The following SKIC3 variants were observed in gnomAD, a reference collection of about 807,000 sequenced individuals.
The protein encoded by SKIC3 is superkiller complex protein 3.
chr5:95,532,015 A>C, the SKIC3 span, among the ~76,000 whole-genome samples: 1 of 151,678 alleles, frequency 6.6e-6, no homozygotes, highest in Admixed American at 6.6e-5. Flanking sequence ...CACCATCCTA[A>C]AAAAAAATAG....
At chr5:95,521,929 T>G in the SKIC3 span, 2 of 1,202,464 alleles carry the variant, frequency 1.7e-6, no homozygotes, top group African/African-American at 3.1e-5. Context: ...GAGGTTCATA[T>G]GGATGCTTGC....
chr5:95,512,757 T>C, the SKIC3 span: 3 of 913,222 alleles, frequency 3.3e-6, no homozygotes, highest in Non-Finnish European at 5.0e-6. Context: ...AAAGTACCTT[T>C]AAATGAAGGG....
chr5:95,467,945 T>C, the SKIC3 span: 1 of 1,613,648 alleles, frequency 6.2e-7, no homozygotes, highest in African/African-American at 1.3e-5. Context: ...AGATTTGGGA[T>C]ACCCAGGCTG....
At chr5:95,552,877 C>T in the SKIC3 span, among the ~76,000 whole-genome samples, 6 of 151,618 alleles carry the variant, frequency 4.0e-5, no homozygotes, top group South Asian at 2.1e-4. Flanking sequence ...TAAATGGTGG[C>T]GAGGGAGTTG....
the SKIC3 span, chr5:95,516,674 C>T: frequency 6.2e-7 from 1 of 1,613,344 alleles, no homozygotes; most frequent in Non-Finnish European, 8.5e-7. Context: ...ATTCTCACCA[C>T]TGTAACATGC....
At chr5:95,485,641 G>A in the SKIC3 span, among the ~76,000 whole-genome samples, 8 of 152,158 alleles carry the variant, frequency 5.3e-5, no homozygotes, top group Non-Finnish European at 1.2e-4. Flanking sequence ...GATGTCAGAA[G>A]TGTTACTATC....
the SKIC3 span, among the ~76,000 whole-genome samples, chr5:95,534,916 C>T: frequency 1.3e-5 from 2 of 152,226 alleles, no homozygotes; most frequent in African/African-American, 4.8e-5. Context: ...GCCCCATTAA[C>T]ATCTCCTCTC....
At chr5:95,479,734 G>A in the SKIC3 span, among the ~76,000 whole-genome samples, 1 of 149,328 alleles carries the variant, frequency 6.7e-6, no homozygotes, top group Non-Finnish European at 1.5e-5. Context: ...TACTATTTGC[G>A]GTTTCAGGCA....
At chr5:95,532,342 C>T in the SKIC3 span, among the ~76,000 whole-genome samples, 1 of 151,990 alleles carries the variant, frequency 6.6e-6, no homozygotes, top group South Asian at 2.1e-4. Flanking sequence ...AGCCTGGGAG[C>T]ATAACAATAA....
chr5:95,516,301 A>G, the SKIC3 span: 7 of 1,596,098 alleles, frequency 4.4e-6, no homozygotes. Flanking sequence ...AGGAGACAAT[A>G]ATATAGAAAA....
chr5:95,514,366 T>A, the SKIC3 span, among the ~76,000 whole-genome samples: 1 of 152,106 alleles, frequency 6.6e-6, no homozygotes, highest in South Asian at 2.1e-4. Context: ...GATTCCTATT[T>A]GGCAGTACAA....
chr5:95,533,160 A>G, the SKIC3 span, among the ~76,000 whole-genome samples: 1 of 152,202 alleles, frequency 6.6e-6, no homozygotes. Flanking sequence ...GCATGAAAAA[A>G]AATTTCAACA....
the SKIC3 span, among the ~76,000 whole-genome samples, chr5:95,482,047 A>G: frequency 6.6e-6 from 1 of 152,342 alleles, no homozygotes; most frequent in Non-Finnish European, 1.5e-5. Flanking sequence ...TGATCTGTTG[A>G]TTCAAGCATC....
At chr5:95,529,945 A>T in the SKIC3 span, 8 of 888,594 alleles carry the variant, frequency 9.0e-6, no homozygotes, top group South Asian at 4.9e-5. Context: ...CAGAGTTCAA[A>T]CCTAAGCAGA....
chr5:95,487,191 T>A, the SKIC3 span, among the ~76,000 whole-genome samples: 4 of 152,168 alleles, frequency 2.6e-5, no homozygotes, highest in African/African-American at 9.7e-5. Context: ...AACATCAGAC[T>A]TCAAGTTCTT....
At chr5:95,485,517 T>C in the SKIC3 span, among the ~76,000 whole-genome samples, 1 of 152,220 alleles carries the variant, frequency 6.6e-6, no homozygotes, top group African/African-American at 2.4e-5. Flanking sequence ...ATCATTTTTA[T>C]GTATTGCTGG....
the SKIC3 span, chr5:95,523,354 A>T: frequency 1.3e-6 from 2 of 1,587,176 alleles, no homozygotes; most frequent in Non-Finnish European, 1.7e-6. Context: ...CTAATATTAG[A>T]TATATTGAAC....
chr5:95,467,662 G>A, the SKIC3 span, among the ~76,000 whole-genome samples: 2 of 152,050 alleles, frequency 1.3e-5, no homozygotes, highest in Non-Finnish European at 2.9e-5. Flanking sequence ...TAAACCATAT[G>A]CATAAATATT....
At chr5:95,474,250 T>A in the SKIC3 span, among the ~76,000 whole-genome samples, 4 of 152,346 alleles carry the variant, frequency 2.6e-5, no homozygotes, top group South Asian at 8.3e-4. Context: ...AGTTTTCTAT[T>A]CTATTCCATT....
Sources: gnomAD v4.1 joint callset for allele counts (sites outside exome capture counted in the v4.1 genomes callset) on GRCh38, gnomAD v4.1.1 for gene constraint, MANE v1.5 for transcripts, NCBI Gene and HGNC (gene_info 2026-07-23, HGNC 2026-07-21) for gene names.